The following SPOCK3 variants were observed in gnomAD, a reference collection of about 807,000 sequenced individuals.
SPOCK3 encodes the protein testican-3.
In SPOCK3, 30 loss-of-function variants were observed where a neutral mutation model predicts 56.6. The ratio of observed to expected loss-of-function variants is 0.53; its 90% CI spans 0.40 to 0.72. SPOCK3 has a LOEUF of 0.72. Among genes scored for constraint, SPOCK3 ranks in the 30% least tolerant of loss-of-function variants. SPOCK3 has a pLI of 0.00. For missense variants in SPOCK3, 527 were observed against 530.0 expected (o/e 0.99, Z 0.06); for synonymous variants, 196 against 183.3 (o/e 1.07, Z -0.56).
rs575898724 is a variant in SPOCK3 at position 167,093,379 on chromosome 4, G to A, written c.190-30842C>T. On this transcript the variant is annotated intron_variant, in intron 2 of 10. Coordinates refer to ENST00000357545, the MANE Select transcript of SPOCK3 (RefSeq NM_001040159.2). Reference sequence around the variant, plus strand: ...ACATAGGTATACATGTGCCATGGTGGCTTGCTGTACCCATCAACCCGTCAT... The same window carrying A: ...ACATAGGTATACATGTGCCATGGTGACTTGCTGTACCCATCAACCCGTCAT... 5.3e-5 allele frequency among the ~76,000 whole-genome samples: 8 copies of A among 152,124 alleles called. No individual in the cohort carries two copies. The South Asian group carries it at 1.7e-3, about 32-fold the overall frequency.
At chr4:166,874,062 G>A (rs1449369128) in intron 6 of SPOCK3, among the ~76,000 whole-genome samples, 3 of 152,152 alleles carry the variant, frequency 2.0e-5, no homozygotes, top group Non-Finnish European at 4.4e-5. Flanking sequence ...TTGAAGTAGT[G>A]TCGCCATGCA....
intron 7 of SPOCK3, among the ~76,000 whole-genome samples, chr4:166,777,507 T>G (rs1739694021): frequency 6.6e-6 from 1 of 152,126 alleles, no homozygotes; most frequent in Non-Finnish European, 1.5e-5. Flanking sequence ...CCCAGTGTGG[T>G]GGCTCAGGCC....
At chr4:166,801,156 G>A (rs950789949) in intron 6 of SPOCK3, among the ~76,000 whole-genome samples, 4 of 152,036 alleles carry the variant, frequency 2.6e-5, no homozygotes, top group African/African-American at 4.8e-5. Context: ...GCTCTATGAT[G>A]CTCCCACAAT....
At chr4:167,125,049 T>A (rs1323531346) in intron 2 of SPOCK3, among the ~76,000 whole-genome samples, 1 of 152,178 alleles carries the variant, frequency 6.6e-6, no homozygotes, top group Non-Finnish European at 1.5e-5. Context: ...TAAAGTTTAC[T>A]TATCACTTAA....
At chr4:166,963,961 G>A (rs781508436) in intron 4 of SPOCK3, among the ~76,000 whole-genome samples, 8 of 151,664 alleles carry the variant, frequency 5.3e-5, no homozygotes, top group Non-Finnish European at 8.9e-5. Flanking sequence ...AGGATGCAAA[G>A]ATTAAACTCA....
chr4:167,188,010 G>T (rs1450658040), intron 2 of SPOCK3, among the ~76,000 whole-genome samples: 1 of 147,932 alleles, frequency 6.8e-6, no homozygotes, highest in Non-Finnish European at 1.5e-5. Context: ...GGAATACTGA[G>T]AAATCTGCAG....
chr4:166,951,739 C>A, intron 4 of SPOCK3, among the ~76,000 whole-genome samples: 2 of 143,576 alleles, frequency 1.4e-5, no homozygotes, highest in East Asian at 3.9e-4. Flanking sequence ...CCACCATGAT[C>A]AAGTGGGCTT....
At chr4:167,131,799 A>T (rs1368400660) in intron 2 of SPOCK3, among the ~76,000 whole-genome samples, 3 of 152,156 alleles carry the variant, frequency 2.0e-5, no homozygotes, top group Non-Finnish European at 4.4e-5. Flanking sequence ...CTTGAATAGA[A>T]TTTTTTTAAC....
At chr4:166,850,929 A>G (rs1729957254) in intron 6 of SPOCK3, among the ~76,000 whole-genome samples, 1 of 152,216 alleles carries the variant, frequency 6.6e-6, no homozygotes, top group African/African-American at 2.4e-5. Context: ...TTAGGTAAAC[A>G]AAGCAGCCAG....
chr4:167,130,952 T>C (rs1365532957), intron 2 of SPOCK3, among the ~76,000 whole-genome samples: 2 of 152,160 alleles, frequency 1.3e-5, no homozygotes, highest in African/African-American at 4.8e-5. Context: ...CATATCTATT[T>C]TTGTTAAGCA....
At chr4:166,893,887 T>G (rs1735061027) in intron 5 of SPOCK3, among the ~76,000 whole-genome samples, 1 of 152,082 alleles carries the variant, frequency 6.6e-6, no homozygotes, top group Non-Finnish European at 1.5e-5. Flanking sequence ...GCTAACCCTT[T>G]CCCAAGAAAA....
At chr4:167,059,896 G>T (rs955140948) in intron 3 of SPOCK3, among the ~76,000 whole-genome samples, 1 of 151,664 alleles carries the variant, frequency 6.6e-6, no homozygotes, top group South Asian at 2.1e-4. Context: ...GTAAACTATC[G>T]CAAGAACAAA....
At chr4:166,801,394 C>T (rs1013014063) in intron 6 of SPOCK3, among the ~76,000 whole-genome samples, 6 of 151,792 alleles carry the variant, frequency 4.0e-5, no homozygotes, top group East Asian at 1.9e-4. Context: ...AACACATGAC[C>T]GTATATGGTA....
intron 9 of SPOCK3, among the ~76,000 whole-genome samples, chr4:166,739,220 G>A (rs956556388): frequency 2.6e-5 from 4 of 152,072 alleles, no homozygotes; most frequent in Non-Finnish European, 5.9e-5. Flanking sequence ...CTGATGGCCA[G>A]TGATGGTGAG....
At chr4:166,745,165 C>T (rs1330662697) in intron 8 of SPOCK3, among the ~76,000 whole-genome samples, 1 of 152,040 alleles carries the variant, frequency 6.6e-6, no homozygotes, top group Non-Finnish European at 1.5e-5. Flanking sequence ...TCAAGAAGAG[C>T]AACCCCAAGA....
At chr4:167,123,545 C>G (rs1444972910) in intron 2 of SPOCK3, among the ~76,000 whole-genome samples, 1 of 151,702 alleles carries the variant, frequency 6.6e-6, no homozygotes, top group Non-Finnish European at 1.5e-5. Context: ...TTTACAATAG[C>G]CATTATCTGT....
chr4:166,777,045 C>T (rs965509479), intron 7 of SPOCK3, among the ~76,000 whole-genome samples: 10 of 152,218 alleles, frequency 6.6e-5, no homozygotes, highest in African/African-American at 1.4e-4. Flanking sequence ...TTCTAAAACT[C>T]AGATACATTT....
chr4:166,793,414 A>C (rs1384524652), intron 6 of SPOCK3, among the ~76,000 whole-genome samples: 2 of 152,186 alleles, frequency 1.3e-5, no homozygotes, highest in East Asian at 3.9e-4. Flanking sequence ...AACAAATAAA[A>C]TACACTAACA....
intron 2 of SPOCK3, among the ~76,000 whole-genome samples, chr4:167,116,911 G>GTA (rs1279038321): frequency 1.5e-4 from 17 of 115,388 alleles, no homozygotes; most frequent in South Asian, 5.2e-4. Flanking sequence ...GTGTGTGTGT[G>GTA]TGTATATATA....
Sources: allele counts gnomAD v4.1 joint callset (sites outside exome capture counted in the v4.1 genomes callset), GRCh38; gene constraint gnomAD v4.1.1; transcripts MANE v1.5; gene names NCBI Gene and HGNC (gene_info 2026-07-23, HGNC 2026-07-21).